Variants in MTHFD1 observed in about 807,000 individuals in gnomAD.
The protein encoded by MTHFD1 is C-1-tetrahydrofolate synthase, cytoplasmic.
Under a neutral mutation model 110.3 loss-of-function variants are expected in MTHFD1, and 44 were observed. The ratio of observed to expected loss-of-function variants is 0.40; its 90% confidence interval spans 0.31 to 0.51. The LOEUF (loss-of-function observed/expected upper bound fraction) is 0.51, where lower values mean the gene tolerates loss of function less well. Ranked by LOEUF, MTHFD1 falls within the 20% of genes least tolerant of loss-of-function variation. The pLI is 0.60. For synonymous variants in MTHFD1, 402 were observed against 428.8 expected, an observed-to-expected ratio of 0.94 and a Z score of 0.77; for missense variants, 909 against 1,173.1, an observed-to-expected ratio of 0.77 and a Z score of 3.29.
chr14:64,391,305 C>T lies in MTHFD1; in HGVS notation c.41+2837C>T, dbSNP rs976361987. Among the ~76,000 whole-genome samples, 18 of 152,104 alleles carry T rather than the reference C, an allele frequency of 1.2e-4. 1 individual carries two copies. The highest frequency in any genetic ancestry group is 3.6e-4 in the African/African-American group (15 of 41,418). On this transcript the variant is annotated intron_variant, in intron 1 of 27. Transcript: ENST00000652337. ...TCAGCCTCCCAGGTAGCTGGGACTA[C>T]GGGCATGCACTACTATGCCCGGCTA... is the stretch of plus-strand genomic sequence containing the variant.
At chr14:64,430,792 A>G (rs2078152090) in intron 13 of MTHFD1, among the ~76,000 whole-genome samples, 1 of 152,236 alleles carries the variant, frequency 6.6e-6, no homozygotes, top group Non-Finnish European at 1.5e-5. Context: ...CAAATGAAGC[A>G]TGGTATCGGG....
Position 64,458,258 on chromosome 14 carries a change from T to C in MTHFD1, c.2763T>C (p.Asp921=). 3 of 1,613,828 alleles carry C rather than the reference T, an allele frequency of 1.9e-6. No homozygotes were observed. Among genetic ancestry groups the C allele is most frequent in the Non-Finnish European group, 2.5e-6 (3 of 1,179,690 alleles). Residue 921 remains aspartate, a synonymous_variant, in exon 27 of 28, where the codon GAT becomes GAC. Transcript: ENST00000652337. ...PGLPTRPCFY[D]IDLDPETEQV... ...TCCCCACCCGGCCCTGTTTTTATGA[T>C]ATTGATTTGGACCCTGAAACAGAAC...
rs780440085 is a variant in MTHFD1, at chr14:64,454,752, T to G, written c.2595T>G (p.Ala865=). The change falls in exon 26 of 28, where the codon GCT becomes GCG. Residue 865 remains alanine, a synonymous_variant. Coordinates refer to ENST00000652337, the MANE Select transcript of MTHFD1 (RefSeq NM_005956.4). ...TTGGGAATCTCCCCATCTGCATGGC[T>G]AAAACACACTTGTCTTTGTCTCACA... The part of the protein sequence containing the change: ...QGFGNLPICM[A]KTHLSLSHNP... 6.2e-7 allele frequency: 1 copy of G among 1,614,024 alleles called. No individual in the cohort carries two copies. Among genetic ancestry groups the G allele is most frequent in the East Asian group, 2.2e-5 (1 of 44,878 alleles).
intron 2 of MTHFD1, among the ~76,000 whole-genome samples, chr14:64,403,972 A>C (rs2077919435): frequency 6.6e-6 from 1 of 152,200 alleles, no homozygotes; most frequent in South Asian, 2.1e-4. Context: ...GTCCAAAGCC[A>C]TTGTCTTGAT....
chr14:64,440,018 T>C, intron 17 of MTHFD1, 108 bp from the exon 18 acceptor site: 1 of 971,952 alleles, frequency 1.0e-6, no homozygotes, highest in Non-Finnish European at 1.6e-6. Context: ...TATTCTATCC[T>C]TTTAAGCTAT....
intron 6 of MTHFD1, among the ~76,000 whole-genome samples, chr14:64,415,956 T>C (rs2078022679): frequency 6.6e-6 from 1 of 152,222 alleles, no homozygotes; most frequent in Non-Finnish European, 1.5e-5. Context: ...GAAAATAGGC[T>C]CAGGCCAGGC....
chr14:64,453,138 A>C (rs954781063), intron 24 of MTHFD1, among the ~76,000 whole-genome samples: 3 of 152,010 alleles, frequency 2.0e-5, no homozygotes, highest in African/African-American at 7.2e-5. Context: ...TATATATTTA[A>C]AACCTTAATA....
chr14:64,444,136 C>G (rs886988785), intron 21 of MTHFD1, among the ~76,000 whole-genome samples: 4 of 152,132 alleles, frequency 2.6e-5, no homozygotes, highest in Non-Finnish European at 4.4e-5. Context: ...GGGGAGGCAC[C>G]AGACACCTCC....
At chr14:64,390,920 A>T (rs1438654383) in intron 1 of MTHFD1, among the ~76,000 whole-genome samples, 1 of 152,140 alleles carries the variant, frequency 6.6e-6, no homozygotes, top group Non-Finnish European at 1.5e-5. Flanking sequence ...AAGTGCTGGG[A>T]TTACAGGCAT....
In MTHFD1 at chr14:64,431,528, G is replaced by A. The variant is rs75598471; in HGVS notation, c.1312-4G>A. On this transcript the variant is annotated splice_polypyrimidine_tract_variant and splice_region_variant and intron_variant, in intron 13 of 27. Coordinates refer to ENST00000652337, the MANE Select transcript of MTHFD1 (RefSeq NM_005956.4). ...AGACTAATGTGGCTTCTGTTCTTTT[G>A]TAGTTTAATCTCCACCTCACAGGTG... 22 of 1,611,256 alleles carry A rather than the reference G, an allele frequency of 1.4e-5. No individual in the cohort carries two copies. The highest frequency in any genetic ancestry group is 1.9e-5 in the Non-Finnish European group (22 of 1,177,720).
chr14:64,395,133 CAG>C (rs1026327988), intron 1 of MTHFD1, among the ~76,000 whole-genome samples: 2 of 152,256 alleles, frequency 1.3e-5, no homozygotes, highest in African/African-American at 4.8e-5. Context: ...TCCTCATACT[CAG>C]AGCCAACCTT....
intron 16 of MTHFD1, among the ~76,000 whole-genome samples, chr14:64,436,360 C>T (rs993804260): frequency 1.3e-5 from 2 of 152,166 alleles, no homozygotes; most frequent in African/African-American, 4.8e-5. Flanking sequence ...TCCCAAAGTG[C>T]TGGGATTACA....
At chr14:64,402,454 T>C (rs2140946730) in intron 2 of MTHFD1, among the ~76,000 whole-genome samples, 1 of 152,300 alleles carries the variant, frequency 6.6e-6, no homozygotes, top group East Asian at 1.9e-4. Flanking sequence ...ATACAATTAA[T>C]TGTTTCCCTT....
intron 2 of MTHFD1, among the ~76,000 whole-genome samples, chr14:64,410,410 G>C (rs375602166): frequency 6.0e-4 from 35 of 58,718 alleles, no homozygotes; most frequent in East Asian, 4.4e-3. Flanking sequence ...GTAAAGATGG[G>C]GGGGGGGGTC....
chr14:64,417,900 C>T lies in MTHFD1; in HGVS notation c.491C>T (p.Ala164Val), dbSNP rs748390032. 6.2e-7 allele frequency: 1 copy of T among 1,612,656 alleles called. No individual in the cohort carries two copies. Among genetic ancestry groups the T allele is most frequent in the East Asian group, 2.2e-5 (1 of 44,878 alleles). Residue 164 changes from alanine (A) to valine (V), a missense_variant, in exon 7 of 28, where the codon GCC becomes GTC. Physicochemically the swap from Ala to Val is moderately conservative, Grantham distance 64. Transcript: ENST00000652337. This position sits in a 1 kb window ranked among gnomAD's most constrained non-coding sequence, Gnocchi z 4.4. ...ELIKETGVPI[A>V]GRHAVVVGRS... Reference sequence around the variant, plus strand: ...GCTTTTCTTTCAGGGGTGCCGATTGCCGGAAGGCATGCTGTGGTGGTTGGG... The same window carrying T: ...GCTTTTCTTTCAGGGGTGCCGATTGTCGGAAGGCATGCTGTGGTGGTTGGG...
intron 15 of MTHFD1, 78 bp from the exon 16 acceptor site, chr14:64,435,491 A>G (rs1355637149): frequency 2.3e-6 from 2 of 876,242 alleles, no homozygotes; most frequent in Non-Finnish European, 3.9e-6. Flanking sequence ...ATTTAGAGGT[A>G]GGGGTCAAAA....
intron 26 of MTHFD1, among the ~76,000 whole-genome samples, chr14:64,455,455 AAAG>A (rs1213244571): frequency 5.3e-5 from 8 of 152,206 alleles, no homozygotes; most frequent in African/African-American, 1.7e-4. Context: ...ATGCATATTC[AAAG>A]AAGAATATTG....
chr14:64,434,388 A>C (rs1340582417), intron 15 of MTHFD1, among the ~76,000 whole-genome samples: 3 of 152,026 alleles, frequency 2.0e-5, no homozygotes, highest in Non-Finnish European at 4.4e-5. Context: ...TCGTCTCTAC[A>C]AAAAAATTTA....
chr14:64,390,900 C>T (rs1328066780), intron 1 of MTHFD1, among the ~76,000 whole-genome samples: 6 of 152,162 alleles, frequency 3.9e-5, no homozygotes, highest in African/African-American at 1.4e-4. Context: ...CCACCCACCT[C>T]GGCCTCCCAA....
Sources: allele counts gnomAD v4.1 joint callset (sites outside exome capture counted in the v4.1 genomes callset), GRCh38; gene constraint gnomAD v4.1.1; non-coding constraint Gnocchi (gnomAD v3.1); transcripts MANE v1.5; gene names NCBI Gene and HGNC (gene_info 2026-07-23, HGNC 2026-07-21).